The following CDC42SE2 variants were observed in gnomAD, a reference collection of about 807,000 sequenced individuals.
CDC42SE2 encodes the protein CDC42 small effector protein 2.
A neutral mutation model predicts 11.5 loss-of-function variants in CDC42SE2; 3 were observed. That is an observed-to-expected ratio of 0.26 (90% CI 0.12 to 0.67). The LOEUF (loss-of-function observed/expected upper bound fraction) is 0.67. Ranked by LOEUF, CDC42SE2 falls within the 30% of genes least tolerant of loss-of-function variation. CDC42SE2 has a pLI of 0.80. For synonymous variants in CDC42SE2, 33 were observed against 34.8 expected (o/e 0.95, Z 0.18); for missense variants, 82 against 106.8 (o/e 0.77, Z 1.02).
chr5:131,227,485 A>G, the CDC42SE2 span, among the ~76,000 whole-genome samples: 2 of 152,274 alleles, frequency 1.3e-5, no homozygotes, highest in African/African-American at 4.8e-5. Context: ...AATACAAACT[A>G]ATAAATAAAT....
At chr5:131,255,429 T>C (rs1756672376) in intron 2 of CDC42SE2, 1 of 152,186 alleles carries the variant, frequency 6.6e-6, no homozygotes, top group South Asian at 2.1e-4. Context: ...AGGACAGCAT[T>C]GGTCTATTGT....
chr5:131,306,448 G>C (rs1312262292), intron 1 of CDC42SE2, among the ~76,000 whole-genome samples: 1 of 151,970 alleles, frequency 6.6e-6, no homozygotes, highest in Non-Finnish European at 1.5e-5. Flanking sequence ...CTGTTCTGTT[G>C]GTCAGTATTT....
At chr5:131,219,407 T>C in the CDC42SE2 span, among the ~76,000 whole-genome samples, 1 of 152,208 alleles carries the variant, frequency 6.6e-6, no homozygotes, top group Non-Finnish European at 1.5e-5. Flanking sequence ...TGTTGCTTAT[T>C]CTCAATGTAC....
chr5:131,331,538 G>C (rs1580758362), intron 2 of CDC42SE2, among the ~76,000 whole-genome samples: 3 of 152,064 alleles, frequency 2.0e-5, no homozygotes, highest in Admixed American at 2.0e-4. Flanking sequence ...GATTATATTT[G>C]TCAAAGTATA....
intron 2 of CDC42SE2, among the ~76,000 whole-genome samples, chr5:131,340,396 A>G (rs1012781559): frequency 1.3e-5 from 2 of 152,158 alleles, no homozygotes; most frequent in Admixed American, 1.3e-4. Context: ...AGGCAGAAAC[A>G]TAATTTATGT....
chr5:131,310,944 T>C (rs1376738106), intron 1 of CDC42SE2, among the ~76,000 whole-genome samples: 1 of 151,726 alleles, frequency 6.6e-6, no homozygotes, highest in Non-Finnish European at 1.5e-5. Flanking sequence ...CATTTACATT[T>C]AAAGTTAATA....
upstream of CDC42SE2, among the ~76,000 whole-genome samples, chr5:131,262,593 C>A (rs1475128617): frequency 6.6e-6 from 1 of 152,016 alleles, no homozygotes; most frequent in Admixed American, 6.6e-5. Flanking sequence ...ACAGGCATAC[C>A]TCAGTATCCG....
intron 2 of CDC42SE2, among the ~76,000 whole-genome samples, chr5:131,325,841 A>G (rs1580755137): frequency 6.6e-6 from 1 of 152,236 alleles, no homozygotes; most frequent in African/African-American, 2.4e-5. Flanking sequence ...CCCTTTCACT[A>G]CATACTGCTT....
At chr5:131,325,221 C>G (rs923187668) in intron 2 of CDC42SE2, among the ~76,000 whole-genome samples, 2 of 152,118 alleles carry the variant, frequency 1.3e-5, no homozygotes, top group African/African-American at 4.8e-5. Flanking sequence ...GATAATGATG[C>G]ATTAAATGTG....
chr5:131,351,865 ATGT>A (rs1185058373), intron 2 of CDC42SE2, among the ~76,000 whole-genome samples: 3 of 152,224 alleles, frequency 2.0e-5, no homozygotes, highest in Non-Finnish European at 4.4e-5. Context: ...TCTTCGAAAG[ATGT>A]TGTTCGGTAG....
intron 2 of CDC42SE2, among the ~76,000 whole-genome samples, chr5:131,257,051 A>T (rs1380350767): frequency 6.6e-6 from 1 of 152,110 alleles, no homozygotes; most frequent in African/African-American, 2.4e-5. Flanking sequence ...GGGCATGTAC[A>T]CCAACACAGT....
intron 2 of CDC42SE2, among the ~76,000 whole-genome samples, chr5:131,257,974 G>C (rs192672340): frequency 7.9e-5 from 12 of 152,108 alleles, no homozygotes; most frequent in African/African-American, 2.9e-4. Flanking sequence ...CTCAAGATAC[G>C]GGGAGAAGTA....
chr5:131,331,532 A>G (rs980315683), intron 2 of CDC42SE2, among the ~76,000 whole-genome samples: 3 of 152,204 alleles, frequency 2.0e-5, no homozygotes, highest in African/African-American at 7.2e-5. Context: ...AAATGAGATT[A>G]TATTTGTCAA....
intron 2 of CDC42SE2, among the ~76,000 whole-genome samples, chr5:131,320,673 G>A (rs565399392): frequency 1.3e-4 from 19 of 151,750 alleles, no homozygotes; most frequent in African/African-American, 3.6e-4. Flanking sequence ...ACCCGGAGGC[G>A]GAGGATGCAG....
At chr5:131,355,059 G>C (rs1208578349) in intron 2 of CDC42SE2, among the ~76,000 whole-genome samples, 1 of 152,000 alleles carries the variant, frequency 6.6e-6, no homozygotes, top group Non-Finnish European at 1.5e-5. Context: ...TCAGATTTAG[G>C]GTGTTCAGTA....
chr5:131,280,552 G>A (rs1757217895), intron 1 of CDC42SE2, among the ~76,000 whole-genome samples: 1 of 152,162 alleles, frequency 6.6e-6, no homozygotes, highest in African/African-American at 2.4e-5. Flanking sequence ...ATAGAGAGTA[G>A]AATGTGGTAA....
chr5:131,258,227 G>GT (rs367990433), intron 2 of CDC42SE2, among the ~76,000 whole-genome samples: 14 of 149,604 alleles, frequency 9.4e-5, no homozygotes, highest in South Asian at 2.1e-4. Context: ...TCTCTTTATT[G>GT]TTTTTTTTTC....
the CDC42SE2 span, among the ~76,000 whole-genome samples, chr5:131,216,518 A>AAAAAC: frequency 8.4e-4 from 122 of 146,096 alleles, 1 homozygote; most frequent in African/African-American, 3.0e-3. Flanking sequence ...AAAAAAAAAA[A>AAAAAC]AAAACATTAT....
At chr5:131,261,507 ACTG>A (rs1163152475), upstream of CDC42SE2, 3 of 152,226 alleles carry the variant, frequency 2.0e-5, no homozygotes, top group Non-Finnish European at 1.5e-5. Context: ...GTGTAAAGAG[ACTG>A]CTATGAATAT....
Sources: allele counts gnomAD v4.1 joint callset (sites outside exome capture counted in the v4.1 genomes callset), GRCh38; gene constraint gnomAD v4.1.1; transcripts MANE v1.5; gene names NCBI Gene and HGNC (gene_info 2026-07-23, HGNC 2026-07-21).